Variants in SHB observed in about 807,000 individuals in gnomAD.
The protein encoded by SHB is SH2 domain containing adaptor protein B.
SHB carries 20 observed loss-of-function variants against 52.3 expected under a neutral mutation model. The ratio of observed to expected loss-of-function variants is 0.38; its 90% CI spans 0.27 to 0.56. The LOEUF is 0.56. SHB is among the 20% of genes least tolerant of loss of function. The pLI, the probability that SHB is intolerant of heterozygous loss-of-function variation, is 0.71. For missense variants in SHB, 825 were observed against 723.3 expected (o/e 1.14, Z -1.61); for synonymous variants, 397 against 316.5 (o/e 1.25, Z -2.70).
chr9:38,006,405 G>A (rs1304406708), intron 2 of SHB, among the ~76,000 whole-genome samples: 1 of 152,198 alleles, frequency 6.6e-6, no homozygotes, highest in African/African-American at 2.4e-5. Flanking sequence ...CCAGCACGCA[G>A]GGAGCTGGGC....
At chr9:37,945,033 G>T (rs939032491) in intron 5 of SHB, among the ~76,000 whole-genome samples, 1 of 152,012 alleles carries the variant, frequency 6.6e-6, no homozygotes, top group African/African-American at 2.4e-5. Context: ...TGGCTGGTAC[G>T]GAGGGCTCTG....
chr9:37,924,094 G>GCAAAGTCA (rs1417534983), intron 5 of SHB, among the ~76,000 whole-genome samples: 1 of 152,232 alleles, frequency 6.6e-6, no homozygotes. Flanking sequence ...TCTTGCGAGG[G>GCAAAGTCA]CAAAGTCACA....
intron 5 of SHB, among the ~76,000 whole-genome samples, chr9:37,933,028 A>C (rs1330961038): frequency 1.3e-5 from 2 of 152,342 alleles, no homozygotes; most frequent in East Asian, 3.9e-4. Context: ...GGGCCTTTTA[A>C]AACTGCAAAT....
At chr9:38,060,859 T>A (rs1285457819) in intron 1 of SHB, among the ~76,000 whole-genome samples, 1 of 152,198 alleles carries the variant, frequency 6.6e-6, no homozygotes, top group Non-Finnish European at 1.5e-5. Context: ...GGTTTCAACC[T>A]TGGTTCCTGT....
intron 2 of SHB, among the ~76,000 whole-genome samples, chr9:37,983,747 C>T (rs1820768872): frequency 1.3e-5 from 2 of 152,382 alleles, no homozygotes; most frequent in South Asian, 4.1e-4. Context: ...TCTCACATGG[C>T]TTTGCAGCCA....
chr9:38,018,959 T>C (rs1821250160), intron 1 of SHB, among the ~76,000 whole-genome samples: 1 of 152,232 alleles, frequency 6.6e-6, no homozygotes, highest in Non-Finnish European at 1.5e-5. Context: ...TTTGCTTTGC[T>C]TTAAAACTTC....
chr9:38,066,658 T>C (rs1414795903), intron 1 of SHB, among the ~76,000 whole-genome samples: 1 of 152,056 alleles, frequency 6.6e-6, no homozygotes, highest in Non-Finnish European at 1.5e-5. Context: ...GGACTGCCCA[T>C]GCAGATCAAA....
intron 1 of SHB, among the ~76,000 whole-genome samples, chr9:38,042,715 A>C (rs564534912): frequency 7.2e-5 from 11 of 152,332 alleles, no homozygotes; most frequent in African/African-American, 2.4e-4. Flanking sequence ...CCACAGCCAG[A>C]ATAGCAGGGG....
At chr9:38,014,856 C>T (rs183570655) in intron 2 of SHB, among the ~76,000 whole-genome samples, 147 of 152,336 alleles carry the variant, frequency 9.6e-4, no homozygotes, top group Non-Finnish European at 1.6e-3. Context: ...TATAAGCTGA[C>T]GCTGGACATG....
chr9:37,982,231 G>A (rs555684370), intron 2 of SHB, among the ~76,000 whole-genome samples: 43 of 152,266 alleles, frequency 2.8e-4, no homozygotes, highest in South Asian at 1.9e-3. Context: ...GGTGGCTCAC[G>A]CCTGTACTCC....
At chr9:37,942,788 T>C (rs1334578545) in intron 5 of SHB, among the ~76,000 whole-genome samples, 1 of 152,088 alleles carries the variant, frequency 6.6e-6, no homozygotes, top group Non-Finnish European at 1.5e-5. Context: ...GCTGCCTCGG[T>C]CTCCTGGGAT....
intron 2 of SHB, among the ~76,000 whole-genome samples, chr9:38,013,068 T>C (rs528004295): frequency 2.6e-5 from 4 of 151,868 alleles, no homozygotes; most frequent in South Asian, 2.1e-4. Context: ...ACAAATAATT[T>C]TGAGTCAAAG....
In SHB at chr9:37,919,725, G is replaced by A. The variant is rs1434758404; in HGVS notation, c.*96C>T. 2.5e-5 allele frequency: 24 copies of A among 961,868 alleles called. No homozygotes were observed. The highest frequency in any genetic ancestry group is 1.5e-4 in the African/African-American group (9 of 61,702). 59.6% of individuals were successfully genotyped at this position (961,868 alleles called of 1,614,324 possible). A position where few individuals can be genotyped will look rare whatever the true frequency, so the allele number is the denominator to read the frequency against. ...CTAGTACCATACACACAACACAAAC[G>A]ACACAGCCAGCAACAGTGGCTGGGC... On this transcript the variant is annotated 3_prime_UTR_variant, in exon 6 of 6. Coordinates refer to ENST00000377707, the MANE Select transcript of SHB (RefSeq NM_003028.3).
intron 1 of SHB, among the ~76,000 whole-genome samples, chr9:38,016,488 T>C (rs1821214497): frequency 6.6e-6 from 1 of 152,122 alleles, no homozygotes; most frequent in Admixed American, 6.5e-5. Context: ...TTTAATGGAA[T>C]GGAAGTGGAG....
chr9:38,027,941 C>T, intron 1 of SHB, among the ~76,000 whole-genome samples: 2 of 146,888 alleles, frequency 1.4e-5, no homozygotes, highest in South Asian at 2.3e-4. Flanking sequence ...TCTTCTGGTG[C>T]GTTTACCCAG....
At chr9:37,992,519 G>A (rs1266890979) in intron 2 of SHB, among the ~76,000 whole-genome samples, 1 of 151,688 alleles carries the variant, frequency 6.6e-6, no homozygotes, top group Non-Finnish European at 1.5e-5. Flanking sequence ...AGTACCACTA[G>A]GCTAAAGAGG....
intron 4 of SHB, among the ~76,000 whole-genome samples, chr9:37,952,694 A>T (rs1220982198): frequency 1.3e-5 from 2 of 152,144 alleles, no homozygotes; most frequent in African/African-American, 4.8e-5. Context: ...AGAATTTGGT[A>T]AAGCAACAGA....
At chr9:38,046,095 T>C (rs372199965) in intron 1 of SHB, among the ~76,000 whole-genome samples, 1 of 151,890 alleles carries the variant, frequency 6.6e-6, no homozygotes, top group Non-Finnish European at 1.5e-5. Context: ...GGCGTGGTGG[T>C]GTGTGCCTGT....
intron 5 of SHB, among the ~76,000 whole-genome samples, chr9:37,922,306 G>C (rs949103563): frequency 6.6e-6 from 1 of 152,230 alleles, no homozygotes; most frequent in East Asian, 1.9e-4. Context: ...TACGGCATCT[G>C]GCAAGGGAAG....
Sources: gnomAD v4.1 joint callset for allele counts (sites outside exome capture counted in the v4.1 genomes callset) on GRCh38, gnomAD v4.1.1 for gene constraint, MANE v1.5 for transcripts, NCBI Gene and HGNC (gene_info 2026-07-23, HGNC 2026-07-21) for gene names.